The following NTM variants were observed in gnomAD, a reference collection of about 807,000 sequenced individuals.
NTM encodes neurotrimin, also known as IgLON family member 2.
In NTM, 13 loss-of-function variants were observed where a neutral mutation model predicts 42.1. That is an observed-to-expected ratio of 0.31 (90% CI 0.20 to 0.49). NTM has a LOEUF of 0.49. Among genes scored for constraint, NTM ranks in the 20% least tolerant of loss-of-function variants. The probability of loss-of-function intolerance (pLI) is 0.99; values close to 1 mark genes in which losing one functional copy is unlikely to be tolerated. For missense variants in NTM, 373 were observed against 452.8 expected, an observed-to-expected ratio of 0.82 and a Z score of 1.60; for synonymous variants, 187 against 179.2, an observed-to-expected ratio of 1.04 and a Z score of -0.35.
At chr11:132,071,592 G>T (rs1240474213) in intron 2 of NTM, among the ~76,000 whole-genome samples, 4 of 152,226 alleles carry the variant, frequency 2.6e-5, no homozygotes, top group African/African-American at 9.6e-5. Context: ...TAATGGGAGT[G>T]TGGGGAAGGG....
intron 2 of NTM, among the ~76,000 whole-genome samples, chr11:132,051,978 C>T (rs895565339): frequency 2.6e-5 from 4 of 152,174 alleles, no homozygotes; most frequent in African/African-American, 7.2e-5. Flanking sequence ...CATTGCTCAT[C>T]TGCCAGGTCA....
intron 1 of NTM, among the ~76,000 whole-genome samples, chr11:131,431,346 C>T (rs906190136): frequency 6.6e-6 from 1 of 152,168 alleles, no homozygotes; most frequent in Non-Finnish European, 1.5e-5. Context: ...ACATCTCCCT[C>T]CTTAGACCCC....
At chr11:131,782,270 C>T (rs1168686336) in intron 1 of NTM, among the ~76,000 whole-genome samples, 1 of 151,072 alleles carries the variant, frequency 6.6e-6, no homozygotes, top group Non-Finnish European at 1.5e-5. Context: ...AACTGTAGGT[C>T]AACAAATGTC....
chr11:131,580,145 C>T (rs897717349), intron 1 of NTM, among the ~76,000 whole-genome samples: 13 of 152,172 alleles, frequency 8.5e-5, no homozygotes, highest in Non-Finnish European at 1.8e-4. Context: ...CGCCATCTGT[C>T]TTCATTTTGC....
intron 1 of NTM, chr11:131,539,542 C>T (rs770257969): frequency 1.3e-5 from 2 of 152,268 alleles, no homozygotes; most frequent in Admixed American, 6.5e-5. Flanking sequence ...CACCTACTCA[C>T]ACACAGATAG....
intron 2 of NTM, among the ~76,000 whole-genome samples, chr11:131,990,863 CT>C (rs530211766): frequency 2.0e-5 from 3 of 152,070 alleles, no homozygotes; most frequent in Non-Finnish European, 2.9e-5. Context: ...CATATATGTT[CT>C]ATTAAAAATA....
intron 1 of NTM, among the ~76,000 whole-genome samples, chr11:131,601,569 T>G (rs1488528603): frequency 6.6e-6 from 1 of 151,708 alleles, no homozygotes. Flanking sequence ...TGCTCCCACC[T>G]CAAACCCCCT....
At chr11:132,312,364 G>A (rs1048764851) in intron 6 of NTM, 1 of 152,220 alleles carries the variant, frequency 6.6e-6, no homozygotes, top group Non-Finnish European at 1.5e-5. Flanking sequence ...TGACTCAACT[G>A]CACGCTATTG....
At chr11:132,250,459 T>C (rs1320125626) in intron 4 of NTM, among the ~76,000 whole-genome samples, 1 of 152,224 alleles carries the variant, frequency 6.6e-6, no homozygotes, top group Non-Finnish European at 1.5e-5. Context: ...TCTCTTCAAA[T>C]ATTGCCTCTT....
chr11:131,761,828 T>C (rs892985948), intron 1 of NTM, among the ~76,000 whole-genome samples: 2 of 141,546 alleles, frequency 1.4e-5, no homozygotes, highest in African/African-American at 5.9e-5. Flanking sequence ...AATAAATAAA[T>C]AAATAAATAA....
At chr11:132,048,806 CT>C (rs993260927) in intron 2 of NTM, among the ~76,000 whole-genome samples, 1 of 127,486 alleles carries the variant, frequency 7.8e-6, no homozygotes. Context: ...AGCTGTTTTT[CT>C]TTTCTTTTTT....
At chr11:132,056,146 A>G (rs1176319584) in intron 2 of NTM, among the ~76,000 whole-genome samples, 4 of 152,256 alleles carry the variant, frequency 2.6e-5, no homozygotes, top group Admixed American at 1.3e-4. Context: ...CCATTGTAAA[A>G]TTAAGAATTA....
chr11:131,863,792 A>T (rs1236358034), intron 1 of NTM, among the ~76,000 whole-genome samples: 1 of 152,150 alleles, frequency 6.6e-6, no homozygotes, highest in Non-Finnish European at 1.5e-5. Flanking sequence ...TGCCAATCAA[A>T]CATGAGCTCC....
chr11:131,602,738 C>T (rs2060599472), intron 1 of NTM, among the ~76,000 whole-genome samples: 2 of 152,158 alleles, frequency 1.3e-5, no homozygotes, highest in African/African-American at 4.8e-5. Flanking sequence ...ACTTAACATT[C>T]TCCAAATTGA....
chr11:131,501,072 C>A (rs2046763983), intron 1 of NTM, among the ~76,000 whole-genome samples: 1 of 151,938 alleles, frequency 6.6e-6, no homozygotes, highest in Non-Finnish European at 1.5e-5. Context: ...AGTTACATAA[C>A]CACAATCCAA....
At chr11:132,102,973 A>G (rs1343542459) in intron 2 of NTM, among the ~76,000 whole-genome samples, 1 of 152,214 alleles carries the variant, frequency 6.6e-6, no homozygotes, top group Non-Finnish European at 1.5e-5. Flanking sequence ...AACAGAGCCA[A>G]ATTGGACTGG....
At chr11:131,836,400 T>C (rs1245061848) in intron 1 of NTM, among the ~76,000 whole-genome samples, 1 of 152,226 alleles carries the variant, frequency 6.6e-6, no homozygotes, top group African/African-American at 2.4e-5. Context: ...ATTAAAAGAT[T>C]TGCTATGGAA....
intron 2 of NTM, among the ~76,000 whole-genome samples, chr11:132,135,281 A>T (rs2067676761): frequency 6.6e-6 from 1 of 152,218 alleles, no homozygotes; most frequent in South Asian, 2.1e-4. Flanking sequence ...CCAGTGCCTG[A>T]CTACAGACCA....
At chr11:131,413,468 G>A (rs919846179) in intron 1 of NTM, among the ~76,000 whole-genome samples, 3 of 152,176 alleles carry the variant, frequency 2.0e-5, no homozygotes, top group African/African-American at 7.2e-5. Flanking sequence ...TTCCAACCCT[G>A]AAAGAGCCCC....
Sources: gnomAD v4.1 joint callset for allele counts (sites outside exome capture counted in the v4.1 genomes callset) on GRCh38, gnomAD v4.1.1 for gene constraint, MANE v1.5 for transcripts, NCBI Gene and HGNC (gene_info 2026-07-23, HGNC 2026-07-21) for gene names.